Variants in CACNA1B observed in about 807,000 individuals in gnomAD.
The protein encoded by CACNA1B is voltage-dependent N-type calcium channel subunit alpha-1B.
CACNA1B carries 70 observed loss-of-function variants against 247.2 expected under a neutral mutation model. The observed-to-expected ratio is 0.28, with a 90% CI of 0.23 to 0.35. The LOEUF (loss-of-function observed/expected upper bound fraction) is 0.35, where lower values mean the gene tolerates loss of function less well. Among genes scored for constraint, CACNA1B ranks in the 10% least tolerant of loss-of-function variants. The pLI, the probability that CACNA1B is intolerant of heterozygous loss-of-function variation, is 1.00. For missense variants in CACNA1B, 2,367 were observed against 3,197.4 expected (o/e 0.74, Z 6.26); for synonymous variants, 1,231 against 1,294.4 (o/e 0.95, Z 1.05).
rs1960215963 is a variant in CACNA1B at position 138,073,815 on chromosome 9, G to GT, written c.4792-183dup. On this transcript the variant is annotated intron_variant, in intron 33 of 46. Transcript: ENST00000371372. This position sits in a 1 kb window ranked among gnomAD's most constrained non-coding sequence, Gnocchi z 6.4. ...CATGCTCACAAGAACCCTGAGGTGG[G>GT]TTTCATGACTCCGAGTTAGAGATAA... Among the ~76,000 whole-genome samples, 1 of 152,336 alleles carries GT rather than the reference G, an allele frequency of 6.6e-6. No homozygotes were observed. Among genetic ancestry groups the GT allele is most frequent in the African/African-American group, 2.4e-5 (1 of 41,578 alleles).
At chr9:137,886,720 G>A (rs866505212) in intron 3 of CACNA1B, among the ~76,000 whole-genome samples, 12 of 151,348 alleles carry the variant, frequency 7.9e-5, no homozygotes, top group East Asian at 2.0e-4. Flanking sequence ...GCGGGTGGAC[G>A]GATGAGTGGA....
chr9:137,965,862 C>T (rs1419444597), intron 10 of CACNA1B, among the ~76,000 whole-genome samples: 1 of 152,216 alleles, frequency 6.6e-6, no homozygotes, highest in Non-Finnish European at 1.5e-5. Flanking sequence ...GGATTACAGG[C>T]GTGAGCCACT....
intron 39 of CACNA1B, among the ~76,000 whole-genome samples, chr9:138,107,509 T>C (rs1038925531): frequency 5.9e-5 from 9 of 152,114 alleles, no homozygotes; most frequent in Admixed American, 5.2e-4. Context: ...TCATGCCTTC[T>C]CTTTCATATT....
Position 138,024,998 on chromosome 9 carries a change from G to T in CACNA1B, c.3112G>T (p.Gly1038Cys), listed in dbSNP as rs1467082050. Reference sequence around the variant, plus strand: ...GGAGACCAGTGGGACTGTGACTGTGGGTCCCATGCACACACTGCCCAGCAC... The same window carrying T: ...GGAGACCAGTGGGACTGTGACTGTGTGTCCCATGCACACACTGCCCAGCAC... ...DLETSGTVTVGPMHTLPSTCL... is the reference protein window; with the variant it reads ...DLETSGTVTVCPMHTLPSTCL... The change falls in exon 20 of 47, where the codon GGT (glycine) becomes TGT (cysteine). Residue 1038 changes from glycine to cysteine, a missense_variant. Gly to Cys is a radical substitution (Grantham distance 159, BLOSUM62 -3). Coordinates refer to ENST00000371372, the MANE Select transcript of CACNA1B (RefSeq NM_000718.4). The T allele has an allele frequency of 6.3e-7, 1 of 1,596,022 alleles. No homozygotes were observed. Among genetic ancestry groups the T allele is most frequent in the Non-Finnish European group, 8.5e-7 (1 of 1,171,380 alleles).
intron 1 of CACNA1B, among the ~76,000 whole-genome samples, 185 bp from the exon 2 acceptor site, chr9:137,878,869 C>T (rs1200221704): frequency 6.6e-6 from 1 of 152,184 alleles, no homozygotes; most frequent in Non-Finnish European, 1.5e-5. Flanking sequence ...CTCGCGGCCG[C>T]CCCTAGGGAT....
intron 3 of CACNA1B, among the ~76,000 whole-genome samples, chr9:137,904,429 T>G (rs1957274925): frequency 6.8e-6 from 1 of 146,246 alleles, no homozygotes; most frequent in Non-Finnish European, 1.5e-5. Flanking sequence ...TGCAGTGGTG[T>G]GATCATGGCT....
At position 137,990,107 on chromosome 9, in the gene CACNA1B, TG is replaced by T. The variant is rs1178068955; in HGVS notation, c.1974+3258del. ...TGCCTGGAAATAGACTCAGTGCTGT[TG>T]GGGGTGGGCACGGTAGGAGTGAGAC... is the stretch of plus-strand genomic sequence containing the variant. On this transcript the variant is annotated intron_variant, in intron 15 of 46. Transcript: ENST00000371372. The surrounding 1 kb of genome is among the most constrained non-coding windows in gnomAD (Gnocchi z 4.5). Among the ~76,000 whole-genome samples, 1 of 152,120 alleles carries T rather than the reference TG, an allele frequency of 6.6e-6. No homozygotes were observed. The highest frequency in any genetic ancestry group is 1.5e-5 in the Non-Finnish European group (1 of 68,018).
At chr9:138,068,592 A>C in intron 31 of CACNA1B, 2 of 518,818 alleles carry the variant, frequency 3.9e-6, no homozygotes, top group Non-Finnish European at 7.7e-6. Flanking sequence ...GCTGATTCCT[A>C]AGGGCCTCCT....
Position 137,883,142 on chromosome 9 carries a change from C to T in CACNA1B, c.530+259C>T, listed in dbSNP as rs1274329105. 3.1e-5 allele frequency: 15 copies of T among 486,764 alleles called. No homozygotes were observed. The Admixed American group carries it at 3.3e-4, about 11-fold the overall frequency. The allele number at this position is 486,764 out of a possible 1,614,324, so 30.2% of individuals were successfully genotyped here. A position where few individuals can be genotyped will look rare whatever the true frequency, so the allele number is the denominator to read the frequency against. On this transcript the variant is annotated intron_variant, in intron 3 of 46. Coordinates refer to ENST00000371372, the MANE Select transcript of CACNA1B (RefSeq NM_000718.4). ...CCCCAGGAGGCGCTGGCTTGCAGAG[C>T]GCACAGGCCAGGGGCCACCAGCTTC... is the stretch of plus-strand genomic sequence containing the variant.
At chr9:138,015,016 A>AG (rs1023857260) in intron 18 of CACNA1B, among the ~76,000 whole-genome samples, 3 of 152,152 alleles carry the variant, frequency 2.0e-5, no homozygotes, top group Non-Finnish European at 4.4e-5. Context: ...TGTTGGCCTG[A>AG]GCACCATGCT....
chr9:138,027,438 TCTAA>T (rs756747949), intron 20 of CACNA1B, among the ~76,000 whole-genome samples: 23 of 152,340 alleles, frequency 1.5e-4, no homozygotes, highest in South Asian at 1.4e-3. Context: ...CAAATATACT[TCTAA>T]CTCTTTCTAA....
chr9:137,920,344 G>C (rs1287841705), intron 6 of CACNA1B, among the ~76,000 whole-genome samples: 1 of 152,102 alleles, frequency 6.6e-6, no homozygotes, highest in East Asian at 1.9e-4. Context: ...TTACAGGCAC[G>C]AGCCACCCCA....
intron 3 of CACNA1B, among the ~76,000 whole-genome samples, chr9:137,903,371 C>T (rs765759134): frequency 7.9e-5 from 12 of 152,078 alleles, no homozygotes; most frequent in East Asian, 1.9e-4. Flanking sequence ...GGCGAGAGAG[C>T]GAGACTCCAT....
In CACNA1B at chr9:137,915,105, C is replaced by T. The variant is rs189311304; in HGVS notation, c.775+299C>T. Among the ~76,000 whole-genome samples the T allele has an allele frequency of 4.8e-3, 729 of 152,340 alleles. 8 individuals carry two copies. Among genetic ancestry groups the T allele is most frequent in the African/African-American group, 0.016 (664 of 41,572 alleles). ...AGGCCAACTCTGCCAAGGTGACCGTCGAGCAGCATCTGAATGCAGGGAGAT... is the reference window on the plus strand; with the variant it reads ...AGGCCAACTCTGCCAAGGTGACCGTTGAGCAGCATCTGAATGCAGGGAGAT... On this transcript the variant is annotated intron_variant, in intron 5 of 46. Transcript: ENST00000371372.
rs554625871 is a variant in CACNA1B, at chr9:137,971,654, C to T, written c.1543+62C>T. On this transcript the variant is annotated intron_variant, in intron 11 of 46. Transcript: ENST00000371372. This position sits in a 1 kb window ranked among gnomAD's most constrained non-coding sequence, Gnocchi z 4.4. ...GCATCTCTGCTCTCAGTCTGGAAACCCTGGTCCATGCCCTGGGGCTACCCC... is the reference window on the plus strand; with the variant it reads ...GCATCTCTGCTCTCAGTCTGGAAACTCTGGTCCATGCCCTGGGGCTACCCC... 317 of 1,426,040 alleles carry T rather than the reference C, an allele frequency of 2.2e-4. No individual in the cohort carries two copies. Among genetic ancestry groups the T allele is most frequent in the Non-Finnish European group, 2.9e-4 (299 of 1,029,016 alleles). 88.3% of individuals were successfully genotyped at this position (1,426,040 alleles called of 1,614,324 possible).
rs1384583175 is a variant in CACNA1B at position 137,914,493 on chromosome 9, C to G, written c.623-161C>G. Among the ~76,000 whole-genome samples, 3 of 152,210 alleles carry G rather than the reference C, an allele frequency of 2.0e-5. No individual in the cohort carries two copies. The highest frequency in any genetic ancestry group is 4.4e-5 in the Non-Finnish European group (3 of 68,042). The stretch of plus-strand genomic sequence containing the variant: ...TACACAAGCACTCTCTGCCCCTCTG[C>G]GCCTTAAGGGGCTTCAGCTCTATCC... On this transcript the variant is annotated intron_variant, in intron 4 of 46. Transcript: ENST00000371372. The surrounding 1 kb of genome is among the most constrained non-coding windows in gnomAD (Gnocchi z 4.3).
At chr9:138,031,570 G>T (rs2133451030) in intron 20 of CACNA1B, among the ~76,000 whole-genome samples, 2 of 152,256 alleles carry the variant, frequency 1.3e-5, no homozygotes, top group East Asian at 3.9e-4. Context: ...CGGATTTTCT[G>T]TCTAGATATG....
Position 138,020,339 on chromosome 9 carries a change from C to T in CACNA1B, c.2268-2672C>T, listed in dbSNP as rs1958828983. ...CAGCTGAGGCCAGGACACAGGGGTG[C>T]CAGTCGTCCATGTGACTTCCTTAAA... On this transcript the variant is annotated intron_variant, in intron 18 of 46. Coordinates refer to ENST00000371372, the MANE Select transcript of CACNA1B (RefSeq NM_000718.4). The surrounding 1 kb of genome is among the most constrained non-coding windows in gnomAD (Gnocchi z 4.1). Among the ~76,000 whole-genome samples the T allele has an allele frequency of 1.3e-5, 2 of 152,164 alleles. No individual in the cohort carries two copies. The highest frequency in any genetic ancestry group is 2.1e-4 in the South Asian group (1 of 4,832).
At chr9:138,083,892 A>G (rs1457479796) in intron 36 of CACNA1B, among the ~76,000 whole-genome samples, 2 of 150,622 alleles carry the variant, frequency 1.3e-5, no homozygotes, top group African/African-American at 4.9e-5. Context: ...AAGCCCTACC[A>G]TCCCAGGGTC....
Sources: gnomAD v4.1 joint callset for allele counts (sites outside exome capture counted in the v4.1 genomes callset) on GRCh38, gnomAD v4.1.1 for gene constraint, Gnocchi (gnomAD v3.1) non-coding constraint, MANE v1.5 for transcripts, NCBI Gene and HGNC (gene_info 2026-07-23, HGNC 2026-07-21) for gene names.